The following CD99L2 variants were observed in gnomAD, a reference collection of about 807,000 sequenced individuals.
The protein encoded by CD99L2 is CD99 antigen-like protein 2.
In CD99L2, 24 loss-of-function variants were observed where a neutral mutation model predicts 27.3. The ratio of observed to expected loss-of-function variants is 0.88; its 90% CI spans 0.64 to 1.24. The LOEUF is 1.24. Among genes scored for constraint, CD99L2 ranks in the 50% most tolerant of loss-of-function variants. The probability of loss-of-function intolerance (pLI) is 0.00; values close to 1 mark genes in which losing one functional copy is unlikely to be tolerated. For synonymous variants in CD99L2, 97 were observed against 87.9 expected, an observed-to-expected ratio of 1.10 and a Z score of -0.58; for missense variants, 255 against 221.6, an observed-to-expected ratio of 1.15 and a Z score of -0.96.
Position 150,859,392 on chromosome X carries a change from G to A in CD99L2, c.68-28099C>T, listed in dbSNP as rs782264761. ...CACGCAGCTATAATCCCAACTACTC[G>A]GGAGGCTGAGGCAGGGGAATCGCTT... On this transcript the variant is annotated intron_variant, in intron 1 of 10. Transcript: ENST00000370377. Among the ~76,000 whole-genome samples the A allele has an allele frequency of 1.3e-3, 147 of 110,994 alleles. 2 individuals carry two copies. Among genetic ancestry groups the A allele is most frequent in the Non-Finnish European group, 1.9e-3 (99 of 52,823 alleles).
chrX:150,824,080 GAAGAAGAAGA>G (rs1305471500), intron 2 of CD99L2, among the ~76,000 whole-genome samples: 1 of 88,141 alleles, frequency 1.1e-5, no homozygotes, highest in Non-Finnish European at 2.2e-5. Flanking sequence ...GGAGGAAGAG[GAAGAAGAAGA>G]AAGAAGAAGG....
rs2043345074 is a variant in CD99L2 at position 150,768,311 on chromosome X, G to A, written c.*723C>T. 8.9e-6 allele frequency: 1 copy of A among 112,275 alleles called. No individual in the cohort carries two copies. Among genetic ancestry groups the A allele is most frequent in the African/African-American group, 3.2e-5 (1 of 30,849 alleles). The allele number at this position is 112,275 out of a possible 1,213,427, so 9.3% of individuals were successfully genotyped here. A position where few individuals can be genotyped will look rare whatever the true frequency, so the allele number is the denominator to read the frequency against. On this transcript the variant is annotated 3_prime_UTR_variant, in exon 11 of 11. Coordinates refer to ENST00000370377, the MANE Select transcript of CD99L2 (RefSeq NM_031462.4). Reference sequence around the variant, plus strand: ...CCCAGCCCCCTATGGAATCAGATGGGAAACAGGCCTACGAATTGCTTCATA... The same window carrying A: ...CCCAGCCCCCTATGGAATCAGATGGAAAACAGGCCTACGAATTGCTTCATA...
At position 150,833,533 on chromosome X, in the gene CD99L2, T is replaced by G. The variant is rs137871564; in HGVS notation, c.68-2240A>C. On this transcript the variant is annotated intron_variant, in intron 1 of 10. Transcript: ENST00000370377. Reference sequence around the variant, plus strand: ...AGCAAAATGCACAAAGCTGGAGGCATCACACTTCTTGATTTCAAAATATAT... The same window carrying G: ...AGCAAAATGCACAAAGCTGGAGGCAGCACACTTCTTGATTTCAAAATATAT... 5.0e-3 allele frequency among the ~76,000 whole-genome samples: 565 copies of G among 111,974 alleles called. 7 individuals are homozygous for G. The highest frequency in any genetic ancestry group is 0.014 in the Middle Eastern group (3 of 216).
chrX:150,865,007 A>G (rs994759598), intron 1 of CD99L2, among the ~76,000 whole-genome samples: 1 of 108,495 alleles, frequency 9.2e-6, no homozygotes, highest in African/African-American at 3.4e-5. Flanking sequence ...CAGAGGCTGC[A>G]TTTGGTCAAG....
At chrX:150,843,015 A>G (rs1194724364) in intron 1 of CD99L2, among the ~76,000 whole-genome samples, 1 of 112,396 alleles carries the variant, frequency 8.9e-6, no homozygotes, top group Non-Finnish European at 1.9e-5. Flanking sequence ...AGTACCTGAT[A>G]TTACTTTGTG....
intron 4 of CD99L2, among the ~76,000 whole-genome samples, chrX:150,814,652 G>A (rs143978320): frequency 0.095 from 10,656 of 111,814 alleles, 498 homozygotes; most frequent in Middle Eastern, 0.17. Context: ...ATTGGTAAAC[G>A]TGACCCACAT....
chrX:150,887,260 A>C (rs2047426918), intron 1 of CD99L2, among the ~76,000 whole-genome samples: 1 of 109,559 alleles, frequency 9.1e-6, no homozygotes. Flanking sequence ...AGCCTGGCCA[A>C]TATGGTGAAA....
intron 1 of CD99L2, 31 bp downstream of exon 1, chrX:150,898,491 G>C: frequency 1.8e-6 from 2 of 1,083,129 alleles, no homozygotes; most frequent in Non-Finnish European, 2.4e-6. Flanking sequence ...GGGTCCCCGC[G>C]CGGTCCCCGC....
At chrX:150,832,977 C>T (rs1357257127) in intron 1 of CD99L2, among the ~76,000 whole-genome samples, 1 of 108,313 alleles carries the variant, frequency 9.2e-6, no homozygotes, top group Non-Finnish European at 1.9e-5. Context: ...ATGGCATGAA[C>T]CCAGGAGGCA....
At chrX:150,824,430 GAAGAAGA>G (rs1437251942) in intron 2 of CD99L2, among the ~76,000 whole-genome samples, 910 of 83,390 alleles carry the variant, frequency 0.011, 12 homozygotes, top group African/African-American at 0.035. Flanking sequence ...GAAAAGAGAA[GAAGAAGA>G]AAGAAGAAAG....
intron 9 of CD99L2, chrX:150,771,918 G>A (rs2043463720): frequency 3.1e-6 from 3 of 978,691 alleles, no homozygotes; most frequent in Non-Finnish European, 4.2e-6. Context: ...GGCAAGGGAA[G>A]CCAAGGGTCC....
At chrX:150,813,688 A>AAG (rs2046107240) in intron 4 of CD99L2, among the ~76,000 whole-genome samples, 1 of 112,368 alleles carries the variant, frequency 8.9e-6, no homozygotes, top group Admixed American at 9.4e-5. Flanking sequence ...TATGTGGCAC[A>AAG]TGGAAATACA....
rs782673799 is a variant in CD99L2 at position 150,814,996 on chromosome X, T to G, written c.203-60A>C. 11 of 1,147,820 alleles carry G rather than the reference T, an allele frequency of 9.6e-6. No individual in the cohort carries two copies. In the African/African-American group the frequency reaches 2.0e-4, roughly 21 times the overall value. The allele number at this position is 1,147,820 out of a possible 1,213,427, so 94.6% of individuals were successfully genotyped here. A position where few individuals can be genotyped will look rare whatever the true frequency, so the allele number is the denominator to read the frequency against. On this transcript the variant is annotated intron_variant, in intron 3 of 10. Transcript: ENST00000370377. ...AACTGATTAACAACTGGGTATAAGA[T>G]TCCAAAATAAGCAAAATGCCCATGG...
chrX:150,821,598 G>A (rs1371785798), intron 2 of CD99L2, among the ~76,000 whole-genome samples: 12 of 112,021 alleles, frequency 1.1e-4, no homozygotes, highest in Non-Finnish European at 1.5e-4. Context: ...ATTTGGCAAT[G>A]GATACTTAGC....
At chrX:150,853,909 C>G (rs1322893785) in intron 1 of CD99L2, among the ~76,000 whole-genome samples, 1 of 111,748 alleles carries the variant, frequency 8.9e-6, no homozygotes, top group Non-Finnish European at 1.9e-5. Context: ...AAGGATATGC[C>G]TGAGAGATGT....
intron 9 of CD99L2, among the ~76,000 whole-genome samples, chrX:150,772,786 G>A (rs1238215800): frequency 1.8e-5 from 2 of 111,431 alleles, no homozygotes; most frequent in African/African-American, 6.5e-5. Flanking sequence ...ACAAATCCCA[G>A]GACTGGGGAA....
chrX:150,777,542 G>A (rs2045419406), intron 7 of CD99L2, 60 bp from the exon 8 acceptor site: 1 of 1,136,529 alleles, frequency 8.8e-7, no homozygotes, highest in Non-Finnish European at 1.2e-6. Context: ...TCGAGCTCGG[G>A]CCTCCGCGAG....
chrX:150,777,341 G>T, intron 8 of CD99L2, 103 bp downstream of exon 8: 1 of 999,351 alleles, frequency 1.0e-6, no homozygotes, highest in Non-Finnish European at 1.4e-6. Flanking sequence ...TTTGCCTGAT[G>T]CAGTTTCTAG....
At chrX:150,769,673 CTGCCTG>C (rs2043387325) in intron 10 of CD99L2, among the ~76,000 whole-genome samples, 1 of 95,533 alleles carries the variant, frequency 1.0e-5, no homozygotes, top group African/African-American at 5.1e-5. Flanking sequence ...CCTAGTCTCC[CTGCCTG>C]CGCCACCAGG....
Sources: allele counts gnomAD v4.1 joint callset (sites outside exome capture counted in the v4.1 genomes callset), GRCh38; gene constraint gnomAD v4.1.1; transcripts MANE v1.5; gene names NCBI Gene and HGNC (gene_info 2026-07-23, HGNC 2026-07-21).